The following CELF4 variants were observed in gnomAD, a reference collection of about 807,000 sequenced individuals.
The protein encoded by CELF4 is CUGBP Elav-like family member 4.
A neutral mutation model predicts 59.9 loss-of-function variants in CELF4; 18 were observed. The observed-to-expected ratio is 0.30, with a 90% CI of 0.21 to 0.45. The LOEUF (loss-of-function observed/expected upper bound fraction) is 0.45. Ranked by LOEUF, CELF4 falls within the 20% of genes least tolerant of loss-of-function variation. CELF4 has a pLI of 1.00. For synonymous variants in CELF4, 261 were observed against 267.1 expected, an observed-to-expected ratio of 0.98 and a Z score of 0.22; for missense variants, 456 against 689.0, an observed-to-expected ratio of 0.66 and a Z score of 3.79.
intron 2 of CELF4, among the ~76,000 whole-genome samples, chr18:37,367,606 G>C (rs990661746): frequency 5.3e-5 from 8 of 152,100 alleles, no homozygotes; most frequent in Non-Finnish European, 7.4e-5. Flanking sequence ...GTGCAGGATG[G>C]TCTCTACCTT....
intron 2 of CELF4, among the ~76,000 whole-genome samples, chr18:37,390,140 C>A (rs1438902518): frequency 2.0e-5 from 3 of 152,246 alleles, no homozygotes; most frequent in African/African-American, 7.2e-5. Context: ...TGTCCACGCC[C>A]CCTCCCCACA....
intron 1 of CELF4, among the ~76,000 whole-genome samples, chr18:37,489,275 G>A (rs541391015): frequency 5.9e-5 from 9 of 152,362 alleles, no homozygotes; most frequent in East Asian, 1.9e-4. Context: ...CGCTGACTCC[G>A]GGGTTCAAAA....
Position 37,296,775 on chromosome 18 carries a change from G to A in CELF4, c.449-21532C>T, listed in dbSNP as rs72883646. Among the ~76,000 whole-genome samples, 903 of 152,278 alleles carry A rather than the reference G, an allele frequency of 5.9e-3. 5 individuals are homozygous for A. The highest frequency in any genetic ancestry group is 0.014 in the Middle Eastern group (4 of 294). On this transcript the variant is annotated intron_variant, in intron 3 of 12. Transcript: ENST00000420428. ...AACTGTGGGCCCCATTGACGGTCCA[G>A]CATCATTCTATGTCCTCCTGTTTCC...
At chr18:37,565,312 C>G (rs762861453) in intron 1 of CELF4, 44 bp downstream of exon 1, 2 of 1,461,168 alleles carry the variant, frequency 1.4e-6, no homozygotes, top group Non-Finnish European at 1.8e-6. Context: ...CCCGCCAGCC[C>G]GCTCCTGCTC....
At chr18:37,348,151 C>T (rs976159736) in intron 2 of CELF4, among the ~76,000 whole-genome samples, 3 of 152,154 alleles carry the variant, frequency 2.0e-5, no homozygotes, top group African/African-American at 4.8e-5. Context: ...TTCTCTCTTG[C>T]GCCTCCTTCT....
intron 6 of CELF4, chr18:37,273,665 A>T: frequency 2.0e-6 from 2 of 987,910 alleles, no homozygotes; most frequent in East Asian, 2.3e-4. Context: ...AGGCTGCGGA[A>T]TGTGGCCAAG....
rs2097129157 is a variant in CELF4, at chr18:37,321,743, G to GAAAAGGAGCAA, written c.448+59_448+60insTTGCTCCTTTT. 5.6e-6 allele frequency: 7 copies of GAAAAGGAGCAA among 1,248,792 alleles called. No individual in the cohort carries two copies. In the Admixed American group the frequency reaches 8.9e-5, roughly 16 times the overall value. The allele number at this position is 1,248,792 out of a possible 1,614,324, so 77.4% of individuals were successfully genotyped here. On this transcript the variant is annotated intron_variant, in intron 3 of 12. Coordinates refer to ENST00000420428, the MANE Select transcript of CELF4 (RefSeq NM_020180.4). ...AGTCGCTGCATCGCCTTGCTGCGTC[G>GAAAAGGAGCAA]GGAAAAGGAGGGAGGAGTGAGAGGG...
intron 8 of CELF4, among the ~76,000 whole-genome samples, chr18:37,267,229 C>A (rs575892151): frequency 6.6e-6 from 1 of 152,334 alleles, no homozygotes; most frequent in East Asian, 1.9e-4. Flanking sequence ...CCCGCAGAAC[C>A]GAGGAACCAG....
At chr18:37,461,481 C>T (rs2030035640) in intron 2 of CELF4, among the ~76,000 whole-genome samples, 1 of 152,188 alleles carries the variant, frequency 6.6e-6, no homozygotes, top group African/African-American at 2.4e-5. Context: ...TTCACTATCA[C>T]AAGAACAGCA....
chr18:37,273,105 G>T lies in CELF4; in HGVS notation c.860C>A (p.Pro287His). The change falls in exon 7 of 13, where the codon CCC (proline) becomes CAC (histidine). Residue 287 changes from proline to histidine, a missense_variant. By Grantham distance (77) the Pro-to-His change is moderately conservative. Transcript: ENST00000420428. ...CTGGGCGGCAGCGAAGGCAGCCATG[G>T]GGTTCAGGTAGCCGCCCTGCGCGAC... ...ASVAQGGYLN[P>H]MAAFAAAQMQ... 6.2e-7 allele frequency: 1 copy of T among 1,613,546 alleles called. No homozygotes were observed. The highest frequency in any genetic ancestry group is 8.5e-7 in the Non-Finnish European group (1 of 1,179,954).
intron 2 of CELF4, among the ~76,000 whole-genome samples, chr18:37,474,581 T>C (rs928622602): frequency 6.6e-6 from 1 of 152,242 alleles, no homozygotes; most frequent in Non-Finnish European, 1.5e-5. Context: ...GCAAGCCCCT[T>C]TGCCTCAGTT....
chr18:37,358,071 G>T (rs2098631985), intron 2 of CELF4, among the ~76,000 whole-genome samples: 1 of 152,182 alleles, frequency 6.6e-6, no homozygotes, highest in African/African-American at 2.4e-5. Flanking sequence ...GACTTTGGGG[G>T]ACTGTTGGGA....
intron 1 of CELF4, among the ~76,000 whole-genome samples, chr18:37,495,945 T>G (rs894255973): frequency 4.6e-5 from 7 of 152,176 alleles, no homozygotes; most frequent in African/African-American, 1.7e-4. Context: ...AGTGGACCTA[T>G]GAGTCCCTTT....
At chr18:37,469,229 C>T (rs375546414) in intron 2 of CELF4, among the ~76,000 whole-genome samples, 13 of 152,118 alleles carry the variant, frequency 8.5e-5, no homozygotes, top group African/African-American at 3.1e-4. Context: ...CTTACCCCTT[C>T]GTGTCATGAC....
intron 2 of CELF4, among the ~76,000 whole-genome samples, chr18:37,424,613 CT>C (rs2154594478): frequency 6.6e-6 from 1 of 152,282 alleles, no homozygotes; most frequent in Non-Finnish European, 1.5e-5. Context: ...ATGCTGTGGC[CT>C]GGGGTAAGAC....
chr18:37,329,930 C>T (rs565803965), intron 2 of CELF4, among the ~76,000 whole-genome samples: 12 of 152,258 alleles, frequency 7.9e-5, no homozygotes, highest in Non-Finnish European at 1.5e-4. Flanking sequence ...AGACATCAGG[C>T]GTTTTGTGGA....
chr18:37,422,281 G>C (rs527503431), intron 2 of CELF4, among the ~76,000 whole-genome samples: 2 of 152,338 alleles, frequency 1.3e-5, no homozygotes, highest in East Asian at 3.9e-4. Context: ...CAACTATGAT[G>C]GCCAGTCAGG....
chr18:37,519,086 G>C (rs2099954123), intron 1 of CELF4, among the ~76,000 whole-genome samples: 1 of 152,170 alleles, frequency 6.6e-6, no homozygotes, highest in Admixed American at 6.5e-5. Flanking sequence ...TGGAGGTCCT[G>C]AGAGCCCACA....
chr18:37,390,037 C>T (rs1163039112), intron 2 of CELF4, among the ~76,000 whole-genome samples: 2 of 152,188 alleles, frequency 1.3e-5, no homozygotes, highest in African/African-American at 4.8e-5. Context: ...TCTGTCTCAC[C>T]CAGGAGTGAA....
Sources: gnomAD v4.1 joint callset for allele counts (sites outside exome capture counted in the v4.1 genomes callset) on GRCh38, gnomAD v4.1.1 for gene constraint, MANE v1.5 for transcripts, NCBI Gene and HGNC (gene_info 2026-07-23, HGNC 2026-07-21) for gene names.